SSPN: variants seen among roughly 807,000 people sequenced by gnomAD.
SSPN encodes K-ras oncogene-associated protein.
In SSPN, 15 loss-of-function variants were observed where a neutral mutation model predicts 19.1. The ratio of observed to expected loss-of-function variants is 0.78; its 90% CI spans 0.52 to 1.21. The LOEUF (loss-of-function observed/expected upper bound fraction) is 1.21, where lower values mean the gene tolerates loss of function less well. Among genes scored for constraint, SSPN ranks in the 50% most tolerant of loss-of-function variants. SSPN has a pLI of 0.00. For synonymous variants in SSPN, 147 were observed against 140.3 expected, an observed-to-expected ratio of 1.05 and a Z score of -0.34; for missense variants, 291 against 314.0, an observed-to-expected ratio of 0.93 and a Z score of 0.55.
intron 1 of SSPN, among the ~76,000 whole-genome samples, chr12:26,182,475 T>C (rs1443365844): frequency 6.6e-6 from 1 of 152,198 alleles, no homozygotes; most frequent in African/African-American, 2.4e-5. Context: ...ACTATAGTTT[T>C]AGTAAGTAAA....
intron 2 of SSPN, among the ~76,000 whole-genome samples, chr12:26,225,117 C>CTTT (rs577187745): frequency 2.0e-5 from 3 of 147,572 alleles, no homozygotes; most frequent in African/African-American, 7.4e-5. Flanking sequence ...TATCTTTAAT[C>CTTT]TTTTTTTTTT....
chr12:26,167,280 TC>T lies in SSPN; in HGVS notation c.-31+45129del, dbSNP rs546504901. ...AAGTCATATATTTTGTTGATTTTTT[TC>T]ATCTCAATTTTATTTTTTTCCCTCT... On this transcript the variant is annotated intron_variant, in intron 1 of 2. Coordinates refer to the SSPN transcript ENST00000538142. Among the ~76,000 whole-genome samples, 17 of 152,366 alleles carry T rather than the reference TC, an allele frequency of 1.1e-4. No homozygotes were observed. The East Asian group carries it at 1.3e-3, about 12-fold the overall frequency.
intron 1 of SSPN, among the ~76,000 whole-genome samples, chr12:26,223,867 A>G (rs1945148812): frequency 6.6e-6 from 1 of 152,232 alleles, no homozygotes; most frequent in African/African-American, 2.4e-5. Flanking sequence ...CCGTGTCGTA[A>G]TGGAAGCCTT....
intron 1 of SSPN, chr12:26,126,515 C>T (rs1192255867): frequency 1.3e-5 from 2 of 152,258 alleles, no homozygotes; most frequent in Admixed American, 1.3e-4. Flanking sequence ...GCGCCCGCTA[C>T]GTGTCCCCCG....
At chr12:26,141,962 C>T (rs1373776890) in intron 1 of SSPN, among the ~76,000 whole-genome samples, 2 of 152,118 alleles carry the variant, frequency 1.3e-5, no homozygotes, top group African/African-American at 4.8e-5. Flanking sequence ...TTGGCAGGCT[C>T]TCCAGAGGAA....
chr12:26,208,388 T>C (rs1944950918), intron 1 of SSPN, among the ~76,000 whole-genome samples: 1 of 152,212 alleles, frequency 6.6e-6, no homozygotes, highest in South Asian at 2.1e-4. Flanking sequence ...TGATTGGCCA[T>C]TTTATTTTGT....
intron 1 of SSPN, among the ~76,000 whole-genome samples, chr12:26,185,344 T>C (rs1324570315): frequency 6.6e-6 from 1 of 152,160 alleles, no homozygotes; most frequent in Non-Finnish European, 1.5e-5. Context: ...AAAAAATAGT[T>C]GTTGAGGAAG....
upstream of SSPN, among the ~76,000 whole-genome samples, chr12:26,191,373 C>T (rs967572318): frequency 6.6e-6 from 1 of 152,254 alleles, no homozygotes; most frequent in East Asian, 1.9e-4. Flanking sequence ...ATAGTCCTAG[C>T]TGCTCAGGAA....
intron 1 of SSPN, among the ~76,000 whole-genome samples, chr12:26,182,097 A>T (rs915611692): frequency 2.6e-5 from 4 of 152,208 alleles, no homozygotes; most frequent in African/African-American, 9.6e-5. Context: ...GGATCAGAAG[A>T]GTTTAGAACT....
chr12:26,124,033 C>T (rs1397559845), intron 1 of SSPN: 1 of 1,340,824 alleles, frequency 7.5e-7, no homozygotes, highest in African/African-American at 1.4e-5. Flanking sequence ...TATTAACACG[C>T]CCTTGGAGAG....
chr12:26,160,579 C>T (rs553781922), intron 1 of SSPN, among the ~76,000 whole-genome samples: 14 of 152,274 alleles, frequency 9.2e-5, no homozygotes, highest in South Asian at 6.2e-4. Context: ...TATCAATATA[C>T]GTGGAGTGTG....
intron 1 of SSPN, among the ~76,000 whole-genome samples, chr12:26,186,512 A>G (rs1032099377): frequency 1.3e-5 from 2 of 152,232 alleles, no homozygotes; most frequent in African/African-American, 4.8e-5. Context: ...GAATGGCTTC[A>G]TGTCTTCCCA....
intron 1 of SSPN, among the ~76,000 whole-genome samples, chr12:26,212,778 A>G (rs2137483508): frequency 6.6e-6 from 1 of 152,302 alleles, no homozygotes; most frequent in Non-Finnish European, 1.5e-5. Context: ...CTAGACATAA[A>G]AAGTTGTTGC....
chr12:26,123,320 T>A, intron 1 of SSPN: 1 of 1,193,364 alleles, frequency 8.4e-7, no homozygotes, highest in Non-Finnish European at 1.1e-6. Flanking sequence ...ATCCACCAGT[T>A]GACGAGAGAA....
chr12:26,210,288 T>C (rs1378735603), intron 1 of SSPN, among the ~76,000 whole-genome samples: 1 of 152,066 alleles, frequency 6.6e-6, no homozygotes, highest in Non-Finnish European at 1.5e-5. Flanking sequence ...AGATGAAGAC[T>C]AAAAAATAAT....
intron 1 of SSPN, among the ~76,000 whole-genome samples, chr12:26,131,608 C>T (rs1944397849): frequency 6.6e-6 from 1 of 152,102 alleles, no homozygotes; most frequent in African/African-American, 2.4e-5. Flanking sequence ...CAGTTGGGTT[C>T]TGGAATAAAT....
At chr12:26,206,880 T>A (rs534683246) in intron 1 of SSPN, among the ~76,000 whole-genome samples, 1 of 152,238 alleles carries the variant, frequency 6.6e-6, no homozygotes, top group Admixed American at 6.5e-5. Context: ...TCACAAGAGT[T>A]AGTTAGGAGT....
chr12:26,186,198 G>A (rs1414568387), intron 1 of SSPN, among the ~76,000 whole-genome samples: 1 of 97,720 alleles, frequency 1.0e-5, no homozygotes, highest in Non-Finnish European at 1.9e-5. Flanking sequence ...ACTGCATCAG[G>A]AATGTTAAAA....
intron 1 of SSPN, among the ~76,000 whole-genome samples, chr12:26,196,178 C>T (rs1469102952): frequency 6.6e-6 from 1 of 152,220 alleles, no homozygotes; most frequent in East Asian, 1.9e-4. Context: ...CCAGCGCCTC[C>T]ACGGGGCCTG....
Sources: gnomAD v4.1 joint callset for allele counts (sites outside exome capture counted in the v4.1 genomes callset) on GRCh38, gnomAD v4.1.1 for gene constraint, MANE v1.5 for transcripts, NCBI Gene and HGNC (gene_info 2026-07-23, HGNC 2026-07-21) for gene names.